The following CDK14 variants were observed in gnomAD, a reference collection of about 807,000 sequenced individuals.
CDK14 encodes the protein cyclin-dependent kinase 14.
A neutral mutation model predicts 60.7 loss-of-function variants in CDK14; 34 were observed. That is an observed-to-expected ratio of 0.56 (90% confidence interval 0.43 to 0.75). The LOEUF is 0.75. Ranked by LOEUF, CDK14 falls within the 30% of genes least tolerant of loss-of-function variation. The pLI is 0.00. For missense variants in CDK14, 482 were observed against 564.1 expected, an observed-to-expected ratio of 0.85 and a Z score of 1.47; for synonymous variants, 197 against 203.7, an observed-to-expected ratio of 0.97 and a Z score of 0.28.
At chr7:90,893,019 C>A (rs898011866) in intron 6 of CDK14, among the ~76,000 whole-genome samples, 4 of 152,130 alleles carry the variant, frequency 2.6e-5, no homozygotes, top group African/African-American at 9.7e-5. Flanking sequence ...ACCTCGTGAT[C>A]TGCCTGCCTC....
At chr7:91,155,752 G>A (rs115061128) in intron 14 of CDK14, among the ~76,000 whole-genome samples, 2,655 of 152,218 alleles carry the variant, frequency 0.017, 72 homozygotes, top group African/African-American at 0.059. Context: ...TGTCATTGAA[G>A]TATAGTAGAA....
intron 3 of CDK14, among the ~76,000 whole-genome samples, chr7:90,737,407 G>T (rs1320496196): frequency 6.6e-6 from 1 of 152,182 alleles, no homozygotes; most frequent in Admixed American, 6.5e-5. Flanking sequence ...GGAGATGTGG[G>T]AGGAGGGTGC....
In CDK14 at chr7:90,947,122, C is replaced by G. The variant is rs924255087; in HGVS notation, c.827-8575C>G. Among the ~76,000 whole-genome samples, 9 of 152,232 alleles carry G rather than the reference C, an allele frequency of 5.9e-5. No individual in the cohort carries two copies. The East Asian group carries it at 1.7e-3, about 29-fold the overall frequency. On this transcript the variant is annotated intron_variant, in intron 8 of 14. Transcript: ENST00000380050. ...TTTTGTCTGATTATCTGGAGGCTCT[C>G]TAGACAGCGTCAGTCATTCTCTCTA...
chr7:91,139,243 T>C (rs73400999), intron 14 of CDK14, among the ~76,000 whole-genome samples: 4 of 152,200 alleles, frequency 2.6e-5, no homozygotes, highest in African/African-American at 9.6e-5. Flanking sequence ...TGGATAGTGA[T>C]ATCAATCTAG....
At chr7:91,180,011 A>G (rs1483704931) in intron 14 of CDK14, among the ~76,000 whole-genome samples, 1 of 152,224 alleles carries the variant, frequency 6.6e-6, no homozygotes, top group Non-Finnish European at 1.5e-5. Flanking sequence ...AGAGTAATAA[A>G]TCAAGACATT....
At chr7:90,778,846 A>C (rs74474997) in intron 4 of CDK14, among the ~76,000 whole-genome samples, 1 of 127,864 alleles carries the variant, frequency 7.8e-6, no homozygotes, top group Admixed American at 8.2e-5. Flanking sequence ...AAATTGACCG[A>C]CCTTCCTTCC....
At chr7:90,818,749 T>C (rs1361822973) in intron 5 of CDK14, among the ~76,000 whole-genome samples, 1 of 152,214 alleles carries the variant, frequency 6.6e-6, no homozygotes, top group African/African-American at 2.4e-5. Flanking sequence ...GAATTTGCAG[T>C]GTGTTTAATA....
chr7:90,976,836 G>A (rs577343900), intron 9 of CDK14, among the ~76,000 whole-genome samples: 3 of 152,218 alleles, frequency 2.0e-5, no homozygotes, highest in Admixed American at 6.5e-5. Context: ...TTTCCTGCGT[G>A]TAGCTACATT....
intron 5 of CDK14, among the ~76,000 whole-genome samples, chr7:90,792,122 G>A (rs955488377): frequency 2.0e-5 from 3 of 151,174 alleles, no homozygotes; most frequent in Admixed American, 2.0e-4. Context: ...GGCTGGTCTC[G>A]AACTCTTGAA....
At chr7:90,807,349 G>A (rs1025954942) in intron 5 of CDK14, among the ~76,000 whole-genome samples, 1 of 152,140 alleles carries the variant, frequency 6.6e-6, no homozygotes, top group Non-Finnish European at 1.5e-5. Context: ...TGATACCCAG[G>A]CAAACAGGTC....
At chr7:90,611,625 G>T (rs909305475) in intron 2 of CDK14, among the ~76,000 whole-genome samples, 2 of 152,060 alleles carry the variant, frequency 1.3e-5, no homozygotes, top group Admixed American at 6.6e-5. Context: ...TCCTGGACTT[G>T]GAGTAGTTGT....
At chr7:91,050,132 G>A (rs984490959) in intron 11 of CDK14, among the ~76,000 whole-genome samples, 4 of 152,136 alleles carry the variant, frequency 2.6e-5, no homozygotes, top group Admixed American at 2.6e-4. Context: ...TAGACGACGT[G>A]GGGCCTTGAG....
intron 4 of CDK14, among the ~76,000 whole-genome samples, chr7:90,786,760 T>TTG (rs1805599900): frequency 6.6e-6 from 1 of 151,148 alleles, no homozygotes; most frequent in South Asian, 2.1e-4. Context: ...CTAAAATTTT[T>TTG]TTTTTTAAAT....
intron 8 of CDK14, among the ~76,000 whole-genome samples, chr7:90,932,276 G>A (rs959920700): frequency 2.3e-4 from 35 of 152,238 alleles, no homozygotes; most frequent in African/African-American, 7.2e-4. Context: ...AGGCTGACAC[G>A]GGCAGATTGC....
intron 14 of CDK14, among the ~76,000 whole-genome samples, chr7:91,177,644 C>G (rs1451022902): frequency 3.3e-5 from 5 of 151,500 alleles, no homozygotes; most frequent in African/African-American, 7.3e-5. Flanking sequence ...ACAAAAATCA[C>G]AAGCATTCTT....
chr7:90,773,984 A>G lies in CDK14; in HGVS notation c.465-16589A>G, dbSNP rs1804910418. On this transcript the variant is annotated intron_variant, in intron 4 of 14. Transcript: ENST00000380050. ...AGTTGTGCGATCCCAGCTCACTGCA[A>G]TATCCATCTCCTGTGTTCAAATGAT... 2.0e-5 allele frequency among the ~76,000 whole-genome samples: 3 copies of G among 148,540 alleles called. 1 individual carries two copies. Among genetic ancestry groups the G allele is most frequent in the South Asian group, 4.2e-4 (2 of 4,728 alleles).
At chr7:91,034,691 A>C (rs1373423844) in intron 10 of CDK14, among the ~76,000 whole-genome samples, 1 of 152,148 alleles carries the variant, frequency 6.6e-6, no homozygotes, top group Non-Finnish European at 1.5e-5. Flanking sequence ...TACCAGGTAG[A>C]GTTCACTTCT....
At chr7:91,085,211 G>A (rs1210707326) in intron 12 of CDK14, among the ~76,000 whole-genome samples, 2 of 152,200 alleles carry the variant, frequency 1.3e-5, no homozygotes, top group Non-Finnish European at 2.9e-5. Flanking sequence ...AAATCAAGAT[G>A]TTGACCAACT....
rs182501583 is a variant in CDK14 at position 91,136,695 on chromosome 7, G to A, written c.*28+18487G>A. On this transcript the variant is annotated intron_variant, in intron 14 of 14. Transcript: ENST00000380050. Reference sequence around the variant, plus strand: ...ACATAGAGCAACTAATTCAGCTTGAGGTTTTCTGAATTAAGGATATTCCTT... The same window carrying A: ...ACATAGAGCAACTAATTCAGCTTGAAGTTTTCTGAATTAAGGATATTCCTT... 3.3e-5 allele frequency among the ~76,000 whole-genome samples: 5 copies of A among 152,114 alleles called. No individual in the cohort carries two copies. In the East Asian group the frequency reaches 5.8e-4, roughly 18 times the overall value.
Sources: allele counts gnomAD v4.1 joint callset (sites outside exome capture counted in the v4.1 genomes callset), GRCh38; gene constraint gnomAD v4.1.1; transcripts MANE v1.5; gene names NCBI Gene and HGNC (gene_info 2026-07-23, HGNC 2026-07-21).